BCKDHB: variants seen among roughly 807,000 people sequenced by gnomAD.
BCKDHB encodes the protein branched chain keto acid dehydrogenase E1 subunit beta.
In BCKDHB, 41 loss-of-function variants were observed where a neutral mutation model predicts 48.5. The observed-to-expected ratio is 0.85, with a 90% CI of 0.66 to 1.10. The LOEUF (loss-of-function observed/expected upper bound fraction) is 1.10. BCKDHB is among the 50% of genes least tolerant of loss of function. The pLI, the probability that BCKDHB is intolerant of heterozygous loss-of-function variation, is 0.00. For missense variants in BCKDHB, 496 were observed against 494.2 expected, an observed-to-expected ratio of 1.00 and a Z score of -0.03; for synonymous variants, 201 against 174.8, an observed-to-expected ratio of 1.15 and a Z score of -1.18.
chr6:80,414,240 G>A, the BCKDHB span, among the ~76,000 whole-genome samples: 1 of 152,160 alleles, frequency 6.6e-6, no homozygotes, highest in South Asian at 2.1e-4. Flanking sequence ...CTCCCATTCT[G>A]TAGGTTGTCC....
chr6:80,205,191 A>G (rs1037602263), intron 8 of BCKDHB, among the ~76,000 whole-genome samples: 1 of 152,088 alleles, frequency 6.6e-6, no homozygotes, highest in African/African-American at 2.4e-5. Flanking sequence ...ATGATTTTAA[A>G]GAAGAGGGCC....
At chr6:80,327,392 C>G (rs573504307) in intron 9 of BCKDHB, among the ~76,000 whole-genome samples, 1 of 152,280 alleles carries the variant, frequency 6.6e-6, no homozygotes, top group African/African-American at 2.4e-5. Context: ...TTTGCTTTTG[C>G]ACCATTGTAA....
At chr6:80,169,074 C>G (rs781500096) in intron 5 of BCKDHB, 44 bp downstream of exon 5, 15 of 1,594,890 alleles carry the variant, frequency 9.4e-6, no homozygotes, top group Non-Finnish European at 1.3e-5. Flanking sequence ...TTTGATGTTT[C>G]CATTTTGATT....
At chr6:80,428,289 T>G in the BCKDHB span, among the ~76,000 whole-genome samples, 3 of 152,196 alleles carry the variant, frequency 2.0e-5, no homozygotes, top group Non-Finnish European at 4.4e-5. Flanking sequence ...ACATTTGGGT[T>G]GGTTCCAAGT....
the BCKDHB span, among the ~76,000 whole-genome samples, chr6:80,418,772 G>A: frequency 6.6e-6 from 1 of 152,122 alleles, no homozygotes; most frequent in Admixed American, 6.6e-5. Context: ...TGTTTGCATG[G>A]GTCAGCCGCA....
chr6:80,379,051 C>A, the BCKDHB span, among the ~76,000 whole-genome samples: 1 of 151,902 alleles, frequency 6.6e-6, no homozygotes, highest in African/African-American at 2.4e-5. Flanking sequence ...GAAACTATTC[C>A]AAAAAATTAA....
At chr6:80,389,315 G>T in the BCKDHB span, among the ~76,000 whole-genome samples, 4 of 152,194 alleles carry the variant, frequency 2.6e-5, no homozygotes, top group African/African-American at 9.6e-5. Flanking sequence ...GGCTGACCTG[G>T]CTATGGCCAC....
At chr6:80,347,666 ACT>A (rs1446878955), downstream of BCKDHB, among the ~76,000 whole-genome samples, 1 of 152,158 alleles carries the variant, frequency 6.6e-6, no homozygotes, top group African/African-American at 2.4e-5. Context: ...TGTGAGAATA[ACT>A]CTGAGGATGA....
chr6:80,208,802 A>G (rs1009089152), intron 8 of BCKDHB, among the ~76,000 whole-genome samples: 3 of 151,910 alleles, frequency 2.0e-5, no homozygotes, highest in African/African-American at 7.2e-5. Context: ...ATACAGAGAA[A>G]ACCCCAGGCC....
At chr6:80,312,948 A>G (rs1286468134) in intron 9 of BCKDHB, among the ~76,000 whole-genome samples, 1 of 152,122 alleles carries the variant, frequency 6.6e-6, no homozygotes, top group Non-Finnish European at 1.5e-5. Flanking sequence ...TCATAGAATG[A>G]GTTAGAGAGG....
intron 9 of BCKDHB, among the ~76,000 whole-genome samples, chr6:80,282,802 TG>T (rs1159579543): frequency 1.3e-5 from 2 of 152,142 alleles, no homozygotes; most frequent in African/African-American, 2.4e-5. Context: ...TGTACATACA[TG>T]TCACTTTTTT....
chr6:80,367,564 GACTA>G, the BCKDHB span, among the ~76,000 whole-genome samples: 2 of 152,164 alleles, frequency 1.3e-5, no homozygotes, highest in African/African-American at 4.8e-5. Flanking sequence ...ATAAGTGCTT[GACTA>G]ACACAAGTAA....
chr6:80,403,600 A>T, the BCKDHB span, among the ~76,000 whole-genome samples: 1 of 151,868 alleles, frequency 6.6e-6, no homozygotes, highest in Non-Finnish European at 1.5e-5. Context: ...CTCTGACTAA[A>T]ACTTCCAGTA....
At chr6:80,335,901 T>A (rs1465837740) in intron 9 of BCKDHB, among the ~76,000 whole-genome samples, 1 of 152,070 alleles carries the variant, frequency 6.6e-6, no homozygotes, top group East Asian at 1.9e-4. Context: ...ATTGCTAATT[T>A]AGATTTTATA....
intron 9 of BCKDHB, among the ~76,000 whole-genome samples, chr6:80,298,258 A>G (rs1767361096): frequency 6.6e-6 from 1 of 152,054 alleles, no homozygotes; most frequent in African/African-American, 2.4e-5. Flanking sequence ...GATTACATGC[A>G]TGTACCACCA....
intron 3 of BCKDHB, among the ~76,000 whole-genome samples, chr6:80,147,125 A>G (rs1771525019): frequency 6.6e-6 from 1 of 151,966 alleles, no homozygotes; most frequent in Admixed American, 6.6e-5. Flanking sequence ...ACATATATTA[A>G]CTCACTTAAT....
the BCKDHB span, among the ~76,000 whole-genome samples, chr6:80,443,986 C>T: frequency 5.9e-5 from 9 of 151,500 alleles, no homozygotes; most frequent in African/African-American, 2.2e-4. Context: ...TTATTTTTCC[C>T]CTCTATCTAG....
intron 8 of BCKDHB, among the ~76,000 whole-genome samples, chr6:80,250,636 C>T (rs1474041773): frequency 6.6e-6 from 1 of 152,126 alleles, no homozygotes; most frequent in African/African-American, 2.4e-5. Context: ...ATTTTGAAAC[C>T]AGAAACTGCA....
chr6:80,188,883 G>A (rs1240427075), intron 6 of BCKDHB, among the ~76,000 whole-genome samples: 1 of 152,232 alleles, frequency 6.6e-6, no homozygotes, highest in Non-Finnish European at 1.5e-5. Context: ...GATTTAGCAA[G>A]AGAGGTGGAT....
Sources: gnomAD v4.1 joint callset for allele counts (sites outside exome capture counted in the v4.1 genomes callset) on GRCh38, gnomAD v4.1.1 for gene constraint, MANE v1.5 for transcripts, NCBI Gene and HGNC (gene_info 2026-07-23, HGNC 2026-07-21) for gene names.